HHIP: variants seen among roughly 807,000 people sequenced by gnomAD.
HHIP encodes the protein hedgehog interacting protein, also known as hedgehog-interacting protein.
A neutral mutation model predicts 74.0 loss-of-function variants in HHIP; 12 were observed. That is an observed-to-expected ratio of 0.16 (90% CI 0.10 to 0.26). The LOEUF (loss-of-function observed/expected upper bound fraction) is 0.26. Ranked by LOEUF, HHIP falls within the 10% of genes least tolerant of loss-of-function variation. The pLI, the probability that HHIP is intolerant of heterozygous loss-of-function variation, is 1.00. For synonymous variants in HHIP, 309 were observed against 311.6 expected (o/e 0.99, Z 0.09); for missense variants, 788 against 845.0 (o/e 0.93, Z 0.84).
chr4:144,693,961 T>C lies in HHIP; in HGVS notation c.832-12570T>C, dbSNP rs372069105. On this transcript the variant is annotated intron_variant, in intron 4 of 12. Transcript: ENST00000296575. ...TGTTTATTTGCTAAATGTTGATTTG[T>C]AGCTAATGATATTTTGGAATAAGAA... 4.6e-5 allele frequency among the ~76,000 whole-genome samples: 7 copies of C among 151,994 alleles called. No individual in the cohort carries two copies. The East Asian group carries it at 7.7e-4, about 17-fold the overall frequency.
chr4:144,670,764 GAAAAAAAAAAAAA>G (rs1167213848), intron 4 of HHIP, among the ~76,000 whole-genome samples: 3 of 54,890 alleles, frequency 5.5e-5, no homozygotes, highest in East Asian at 6.2e-4. Flanking sequence ...CTTAAGATTT[GAAAAAAAAAAAAA>G]AAAAAAAAAA....
At chr4:144,734,608 T>C in intron 11 of HHIP, 133 bp from the exon 12 acceptor site, 1 of 584,312 alleles carries the variant, frequency 1.7e-6, no homozygotes, top group Non-Finnish European at 2.7e-6. Flanking sequence ...TAAATCTGAC[T>C]GAGTCACTTA....
chr4:144,652,481 C>G (rs1728449879), intron 1 of HHIP, 124 bp from the exon 2 acceptor site: 1 of 639,404 alleles, frequency 1.6e-6, no homozygotes. Context: ...CACAGTAATT[C>G]TTTTCAAAAA....
At position 144,652,597 on chromosome 4, in the gene HHIP, G is replaced by A. The variant is rs1449940722; in HGVS notation, c.280-8G>A. ...AAAAAAAGTTTGCTTCTGATTTATG[G>A]CTTTCAGATATTTTCTGTTACCAAC... is the stretch of plus-strand genomic sequence containing the variant. On this transcript the variant is annotated splice_polypyrimidine_tract_variant and splice_region_variant and intron_variant, in intron 1 of 12. Transcript: ENST00000296575. The A allele has an allele frequency of 1.8e-5, 28 of 1,579,170 alleles. No individual in the cohort carries two copies. The highest frequency in any genetic ancestry group is 2.2e-5 in the Non-Finnish European group (26 of 1,161,472).
chr4:144,733,392 G>A (rs1264907307), intron 11 of HHIP, among the ~76,000 whole-genome samples: 3 of 152,096 alleles, frequency 2.0e-5, no homozygotes, highest in Non-Finnish European at 4.4e-5. Context: ...GGAAGCCACC[G>A]TACATTTTAA....
chr4:144,744,377 T>C lies in HHIP; in HGVS notation c.*6420T>C, dbSNP rs1378002888. ...TTCTAACATGTTTTGGTTTCTCTAA[T>C]GGTTCATTTTCCTTTAGCTTGTGAA... is the stretch of plus-strand genomic sequence containing the variant. On this transcript the variant is annotated 3_prime_UTR_variant, in exon 13 of 13. Coordinates refer to ENST00000296575, the MANE Select transcript of HHIP (RefSeq NM_022475.3). The C allele has an allele frequency of 6.6e-6, 1 of 152,218 alleles. No homozygotes were observed. The highest frequency in any genetic ancestry group is 1.5e-5 in the Non-Finnish European group (1 of 68,034). The allele number at this position is 152,218 out of a possible 1,614,324, so 9.4% of individuals were successfully genotyped here. A position where few individuals can be genotyped will look rare whatever the true frequency, so the allele number is the denominator to read the frequency against.
chr4:144,729,834 G>C (rs1730899249), intron 11 of HHIP, among the ~76,000 whole-genome samples: 1 of 151,990 alleles, frequency 6.6e-6, no homozygotes, highest in Non-Finnish European at 1.5e-5. Context: ...TATTATTCTT[G>C]ATCTGCATAT....
rs371383682 is a variant in HHIP at position 144,687,068 on chromosome 4, C to A, written c.832-19463C>A. On this transcript the variant is annotated intron_variant, in intron 4 of 12. Coordinates refer to ENST00000296575, the MANE Select transcript of HHIP (RefSeq NM_022475.3). The stretch of plus-strand genomic sequence containing the variant: ...TTTATTTTTTGGTCATATACTGCTG[C>A]TTTGTCATTCTATGTAATTATTATA... Among the ~76,000 whole-genome samples the A allele has an allele frequency of 7.9e-5, 12 of 152,184 alleles. 1 individual carries two copies. The East Asian group carries it at 1.2e-3, about 15-fold the overall frequency.
At chr4:144,704,428 C>T (rs765816531) in intron 4 of HHIP, among the ~76,000 whole-genome samples, 4 of 152,048 alleles carry the variant, frequency 2.6e-5, no homozygotes, top group Non-Finnish European at 5.9e-5. Flanking sequence ...TCAAAAATGC[C>T]CCCAAAGTCA....
At chr4:144,660,081 T>C in intron 4 of HHIP, 1 of 545,416 alleles carries the variant, frequency 1.8e-6, no homozygotes, top group South Asian at 2.9e-5. Flanking sequence ...CCCCATGTAA[T>C]TGACACATTT....
chr4:144,646,633 C>G lies in HHIP; in HGVS notation c.-43C>G. 1 of 1,588,370 alleles carries G rather than the reference C, an allele frequency of 6.3e-7. No homozygotes were observed. ...TGCCCCTGCTGGGCAGTGGCGTTCC[C>G]CCCCATCCTCCCGCGCCCAGCCCCT... On this transcript the variant is annotated 5_prime_UTR_variant, in exon 1 of 13. Transcript: ENST00000296575.
chr4:144,687,119 T>C (rs1729508848), intron 4 of HHIP, among the ~76,000 whole-genome samples: 1 of 152,202 alleles, frequency 6.6e-6, no homozygotes, highest in African/African-American at 2.4e-5. Flanking sequence ...TATCATTGGT[T>C]ACAGCTTCAT....
At chr4:144,727,970 C>A (rs1730846784) in intron 11 of HHIP, among the ~76,000 whole-genome samples, 2 of 152,172 alleles carry the variant, frequency 1.3e-5, no homozygotes, top group Non-Finnish European at 2.9e-5. Context: ...TCTTCATACA[C>A]TTTCTGATCT....
At chr4:144,689,695 T>C (rs59561724) in intron 4 of HHIP, among the ~76,000 whole-genome samples, 6,617 of 152,326 alleles carry the variant, frequency 0.043, 462 homozygotes, top group African/African-American at 0.15. Context: ...CTGTTTATTA[T>C]ACATTTTAGC....
chr4:144,678,976 A>G (rs140678451), intron 4 of HHIP, among the ~76,000 whole-genome samples: 4,146 of 152,252 alleles, frequency 0.027, 71 homozygotes, highest in South Asian at 0.04. Context: ...CAATGGTTGA[A>G]CTAATTTACA....
chr4:144,692,472 C>G (rs1729701840), intron 4 of HHIP, among the ~76,000 whole-genome samples: 1 of 152,136 alleles, frequency 6.6e-6, no homozygotes, highest in Non-Finnish European at 1.5e-5. Flanking sequence ...TCTTTCTTTA[C>G]CTGGAACCTT....
chr4:144,677,834 A>G (rs1332117960), intron 4 of HHIP, among the ~76,000 whole-genome samples: 1 of 152,168 alleles, frequency 6.6e-6, no homozygotes, highest in African/African-American at 2.4e-5. Flanking sequence ...GTGCCTAATT[A>G]GATGGTATTT....
At chr4:144,698,802 TTA>T (rs1355938662) in intron 4 of HHIP, among the ~76,000 whole-genome samples, 2 of 152,146 alleles carry the variant, frequency 1.3e-5, no homozygotes, top group Non-Finnish European at 2.9e-5. Flanking sequence ...ACAAGATATT[TTA>T]TGTCTTTTCC....
intron 4 of HHIP, among the ~76,000 whole-genome samples, chr4:144,679,731 A>G (rs1729281681): frequency 6.6e-6 from 1 of 152,020 alleles, no homozygotes; most frequent in Admixed American, 6.6e-5. Context: ...TGTATGACAT[A>G]TTTTGTCTTT....
Sources: allele counts gnomAD v4.1 joint callset (sites outside exome capture counted in the v4.1 genomes callset), GRCh38; gene constraint gnomAD v4.1.1; transcripts MANE v1.5; gene names NCBI Gene and HGNC (gene_info 2026-07-23, HGNC 2026-07-21).